The following CHAT variants were observed in gnomAD, a reference collection of about 807,000 sequenced individuals.
CHAT encodes choline O-acetyltransferase.
Under a neutral mutation model 76.9 loss-of-function variants are expected in CHAT, and 61 were observed. The ratio of observed to expected loss-of-function variants is 0.79; its 90% CI spans 0.65 to 0.98. The LOEUF is 0.98. Ranked by LOEUF, CHAT falls within the 50% of genes least tolerant of loss-of-function variation. The pLI is 0.00. For missense variants in CHAT, 946 were observed against 986.9 expected (o/e 0.96, Z 0.56); for synonymous variants, 407 against 397.4 (o/e 1.02, Z -0.29).
upstream of CHAT, chr10:49,611,295 G>T: frequency 6.2e-7 from 1 of 1,608,890 alleles, no homozygotes; most frequent in East Asian, 2.2e-5. Context: ...GCAGCCTGCA[G>T]GGCCTGGGCT....
upstream of CHAT, chr10:49,611,491 G>A (rs1838294749): frequency 2.5e-6 from 4 of 1,600,170 alleles, no homozygotes; most frequent in South Asian, 2.2e-5. Context: ...GCTAGCTGCC[G>A]TGTCGCTCTT....
chr10:49,655,067 T>C (rs776029101), intron 11 of CHAT, 28 bp from the exon 12 acceptor site: 111 of 1,613,420 alleles, frequency 6.9e-5, no homozygotes, highest in Non-Finnish European at 9.2e-5. Flanking sequence ...TAAATTACCA[T>C]GTGCCATTCA....
At chr10:49,657,134 T>A (rs1197070810) in intron 13 of CHAT, among the ~76,000 whole-genome samples, 1 of 152,100 alleles carries the variant, frequency 6.6e-6, no homozygotes, top group East Asian at 1.9e-4. Flanking sequence ...AGATAATTAT[T>A]TTTTAAAGTT....
rs1840326301 is a variant in CHAT, at chr10:49,665,652, C to T, written c.*606C>T. Among the ~76,000 whole-genome samples the T allele has an allele frequency of 6.6e-6, 1 of 152,144 alleles. No individual in the cohort carries two copies. The highest frequency in any genetic ancestry group is 2.4e-5 in the African/African-American group (1 of 41,428). ...TCCATTTAAAATATAGTGACTTGGG[C>T]CCACAAACACATTTCTGCTTTCGTG... On this transcript the variant is annotated 3_prime_UTR_variant, in exon 15 of 15. Coordinates refer to ENST00000337653, the MANE Select transcript of CHAT (RefSeq NM_020549.5).
chr10:49,621,975 A>C (rs1838733784), intron 4 of CHAT, 122 bp from the exon 5 acceptor site: 5 of 1,027,984 alleles, frequency 4.9e-6, no homozygotes, highest in Admixed American at 1.7e-5. Flanking sequence ...AGGGAGGGAG[A>C]AGGGAGGGAA....
intron 2 of CHAT, 95 bp from the exon 3 acceptor site, chr10:49,619,630 C>A: frequency 8.1e-7 from 1 of 1,237,652 alleles, no homozygotes; most frequent in Non-Finnish European, 1.2e-6. Context: ...GAGAACAACA[C>A]AGGGGCAGAA....
intron 13 of CHAT, among the ~76,000 whole-genome samples, chr10:49,656,988 A>G (rs1840055177): frequency 6.6e-6 from 1 of 152,154 alleles, no homozygotes; most frequent in African/African-American, 2.4e-5. Flanking sequence ...GGATTTTTGA[A>G]AGCCGTAAAT....
Position 49,655,378 on chromosome 10 carries a change from G to C in CHAT, c.1777-8G>C. The C allele has an allele frequency of 3.1e-6, 5 of 1,614,088 alleles. No individual in the cohort carries two copies. The highest frequency in any genetic ancestry group is 1.3e-5 in the African/African-American group (1 of 75,068). Reference sequence around the variant, plus strand: ...AAACCCCGCGCTGCCTCTGTGTTCTGTTGACAGGCTTCTGAGAAGCTTCTG... The same window carrying C: ...AAACCCCGCGCTGCCTCTGTGTTCTCTTGACAGGCTTCTGAGAAGCTTCTG... On this transcript the variant is annotated splice_region_variant and splice_polypyrimidine_tract_variant and intron_variant, in intron 12 of 14. Coordinates refer to ENST00000337653, the MANE Select transcript of CHAT (RefSeq NM_020549.5).
rs1464103196 is a variant in CHAT, at chr10:49,614,283, C to T, written c.94C>T (p.Arg32Trp). Residue 32 changes from arginine (R) to tryptophan (W), a missense_variant, in exon 1 of 15, where the codon CGG becomes TGG. Arg to Trp is a moderately radical substitution (Grantham distance 101). Coordinates refer to ENST00000337653, the MANE Select transcript of CHAT (RefSeq NM_020549.5). ...AGGTACAAGAGGAAGGAGAGAAGTG[C>T]GGCCAGCTTGCTTTCTCCAGTCGGG... ...GGGTRGRREVRPACFLQSGGR... is the reference protein window; with the variant it reads ...GGGTRGRREVWPACFLQSGGR... 3.2e-6 allele frequency: 5 copies of T among 1,548,324 alleles called. No homozygotes were observed. The African/African-American group carries it at 4.1e-5, about 13-fold the overall frequency.
chr10:49,627,706 C>T lies in CHAT; in HGVS notation c.1032C>T (p.Asp344=), dbSNP rs145203976. The T allele has an allele frequency of 2.6e-5, 42 of 1,614,134 alleles. No individual in the cohort carries two copies. Among genetic ancestry groups the T allele is most frequent in the African/African-American group, 1.9e-4 (14 of 75,068 alleles). ...RKIVKMASNE[D]ERLPPIGLLT... is the part of the protein sequence containing the mutation. ...TAGTCAAAATGGCTTCCAACGAGGA[C>T]GAGCGTTTGCCTCCAATTGGCCTGC... is the stretch of plus-strand genomic sequence containing the variant. The change falls in exon 7 of 15, where the codon GAC becomes GAT. Residue 344 remains aspartate, a synonymous_variant. Transcript: ENST00000337653.
intron 13 of CHAT, among the ~76,000 whole-genome samples, 178 bp from the exon 14 acceptor site, chr10:49,662,467 G>A (rs573584184): frequency 8.8e-4 from 134 of 152,350 alleles, no homozygotes; most frequent in African/African-American, 3.1e-3. Flanking sequence ...AGCAGAGGCC[G>A]CATGGTAGAG....
intron 6 of CHAT, 122 bp downstream of exon 6, chr10:49,625,775 A>T: frequency 9.3e-7 from 1 of 1,074,178 alleles, no homozygotes; most frequent in Non-Finnish European, 1.4e-6. Context: ...GAGCTGGGGC[A>T]CCATGTCTCC....
intron 13 of CHAT, among the ~76,000 whole-genome samples, chr10:49,658,595 G>T (rs969520701): frequency 6.6e-6 from 1 of 152,128 alleles, no homozygotes; most frequent in Non-Finnish European, 1.5e-5. Flanking sequence ...TGTAATCCCA[G>T]CTACTAGGGA....
chr10:49,624,169 G>C (rs999324283), intron 5 of CHAT, among the ~76,000 whole-genome samples: 5 of 152,156 alleles, frequency 3.3e-5, no homozygotes, highest in Non-Finnish European at 7.3e-5. Flanking sequence ...CTCTGCCTTT[G>C]ATCAGTGCTT....
chr10:49,618,007 C>T (rs552917998), intron 2 of CHAT, among the ~76,000 whole-genome samples: 39 of 152,306 alleles, frequency 2.6e-4, no homozygotes, highest in African/African-American at 8.9e-4. Context: ...CCCATTCACT[C>T]TGCAGCCTAT....
At chr10:49,652,264 G>T (rs1839904489) in intron 11 of CHAT, among the ~76,000 whole-genome samples, 1 of 150,534 alleles carries the variant, frequency 6.6e-6, no homozygotes, top group African/African-American at 2.5e-5. Flanking sequence ...GGAGTGTAGA[G>T]CTGAGAAGAG....
At position 49,614,420 on chromosome 10, in the gene CHAT, C is replaced by A. The variant is rs1379056915; in HGVS notation, c.231C>A (p.His77Gln). 1.9e-6 allele frequency: 3 copies of A among 1,547,514 alleles called. No homozygotes were observed. The East Asian group carries it at 7.3e-5, about 38-fold the overall frequency. ...PPPLPAHTPAHTPEWCGAASA... is the reference protein window; with the variant it reads ...PPPLPAHTPAQTPEWCGAASA... Reference sequence around the variant, plus strand: ...CCCTTCCGGCTCACACCCCCGCCCACACTCCTGAGTGGTGCGGTGCAGCGT... The same window carrying A: ...CCCTTCCGGCTCACACCCCCGCCCAAACTCCTGAGTGGTGCGGTGCAGCGT... The change falls in exon 1 of 15, where the codon CAC becomes CAA. Residue 77 changes from histidine (H) to glutamine (Q), a missense_variant. His to Gln is a conservative substitution (Grantham distance 24). Coordinates refer to ENST00000337653, the MANE Select transcript of CHAT (RefSeq NM_020549.5).
At position 49,666,137 on chromosome 10, in the gene CHAT, C is replaced by T. The variant is rs75491767; in HGVS notation, c.*1091C>T. On this transcript the variant is annotated 3_prime_UTR_variant, in exon 15 of 15. Coordinates refer to ENST00000337653, the MANE Select transcript of CHAT (RefSeq NM_020549.5). The stretch of plus-strand genomic sequence containing the variant: ...TCTGACAAAAACCCATGTGGTAGAG[C>T]CTAGAGCAGGGCTCTCTTCTGGCCT... Among the ~76,000 whole-genome samples, 3 of 152,166 alleles carry T rather than the reference C, an allele frequency of 2.0e-5. No homozygotes were observed.
chr10:49,651,797 G>A (rs1401539555), intron 10 of CHAT, 87 bp from the exon 11 acceptor site: 12 of 1,405,118 alleles, frequency 8.5e-6, no homozygotes, highest in East Asian at 4.9e-5. Flanking sequence ...CTAGGACACA[G>A]ACCAGGCTCT....
Sources: gnomAD v4.1 joint callset for allele counts (sites outside exome capture counted in the v4.1 genomes callset) on GRCh38, gnomAD v4.1.1 for gene constraint, MANE v1.5 for transcripts, NCBI Gene and HGNC (gene_info 2026-07-23, HGNC 2026-07-21) for gene names.